CTTNBP2: variants seen among roughly 807,000 people sequenced by gnomAD.
CTTNBP2 encodes cortactin binding protein 2.
A neutral mutation model predicts 156.9 loss-of-function variants in CTTNBP2; 108 were observed. The ratio of observed to expected loss-of-function variants is 0.69; its 90% CI spans 0.59 to 0.81. CTTNBP2 has a LOEUF of 0.81. Among genes scored for constraint, CTTNBP2 ranks in the 30% least tolerant of loss-of-function variants. The probability of loss-of-function intolerance (pLI) is 0.00; values close to 1 mark genes in which losing one functional copy is unlikely to be tolerated. For synonymous variants in CTTNBP2, 767 were observed against 751.8 expected (o/e 1.02, Z -0.33); for missense variants, 1,924 against 2,035.4 (o/e 0.95, Z 1.05).
At chr7:117,862,058 C>T (rs1386943183) in intron 1 of CTTNBP2, among the ~76,000 whole-genome samples, 2 of 149,324 alleles carry the variant, frequency 1.3e-5, no homozygotes, top group African/African-American at 4.9e-5. Context: ...CCAGCACATA[C>T]ACACACACAC....
chr7:117,782,620 T>G (rs1438744323), intron 6 of CTTNBP2, among the ~76,000 whole-genome samples: 3 of 152,176 alleles, frequency 2.0e-5, no homozygotes, highest in African/African-American at 7.2e-5. Flanking sequence ...CCAAAGAAAG[T>G]TCATTCACGT....
At position 117,711,418 on chromosome 7, in the gene CTTNBP2, G is replaced by A. The variant is rs761184158; in HGVS notation, c.*119C>T. The stretch of plus-strand genomic sequence containing the variant: ...CAAAAAAAAATTGAATAGTGGTCCC[G>A]CACTCATAATTTATATTACAGTGAA... On this transcript the variant is annotated 3_prime_UTR_variant, in exon 23 of 23. Coordinates refer to ENST00000160373, the MANE Select transcript of CTTNBP2 (RefSeq NM_033427.3). The A allele has an allele frequency of 4.3e-4, 488 of 1,142,310 alleles. 3 individuals carry two copies. Among genetic ancestry groups the A allele is most frequent in the Admixed American group, 1.2e-3 (47 of 40,464 alleles). The allele number at this position is 1,142,310 out of a possible 1,614,324, so 70.8% of individuals were successfully genotyped here. A position where few individuals can be genotyped will look rare whatever the true frequency, so the allele number is the denominator to read the frequency against.
At chr7:117,725,426 AG>A (rs758114767) in intron 17 of CTTNBP2, among the ~76,000 whole-genome samples, 169 bp from the exon 18 acceptor site, 35 of 152,336 alleles carry the variant, frequency 2.3e-4, no homozygotes, top group Non-Finnish European at 3.7e-4. Flanking sequence ...CCAATACAAA[AG>A]TGTTTGAATC....
At chr7:117,749,247 T>C (rs144814933) in intron 12 of CTTNBP2, among the ~76,000 whole-genome samples, 14 of 152,330 alleles carry the variant, frequency 9.2e-5, no homozygotes, top group Admixed American at 3.9e-4. Context: ...AGGAAGAATT[T>C]TGCAGGAAAC....
At chr7:117,754,558 G>C (rs1796788414) in intron 12 of CTTNBP2, among the ~76,000 whole-genome samples, 1 of 152,180 alleles carries the variant, frequency 6.6e-6, no homozygotes, top group Admixed American at 6.5e-5. Flanking sequence ...ACATAACACA[G>C]GGCCTATGCT....
intron 2 of CTTNBP2, among the ~76,000 whole-genome samples, chr7:117,846,025 G>T (rs1345552517): frequency 7.0e-6 from 1 of 143,394 alleles, no homozygotes; most frequent in East Asian, 2.1e-4. Flanking sequence ...TAATTTTTTT[G>T]TATTTTTAGT....
At chr7:117,719,393 G>T (rs561308163) in intron 21 of CTTNBP2, 111 bp downstream of exon 21, 3 of 1,003,006 alleles carry the variant, frequency 3.0e-6, no homozygotes, top group African/African-American at 1.6e-5. Context: ...GTTTGATTTG[G>T]ATCATTAACC....
At chr7:117,834,937 G>T (rs1801834652) in intron 2 of CTTNBP2, among the ~76,000 whole-genome samples, 1 of 152,202 alleles carries the variant, frequency 6.6e-6, no homozygotes, top group Admixed American at 6.5e-5. Flanking sequence ...CAGGAAAATT[G>T]CTTCAGGTTT....
intron 2 of CTTNBP2, among the ~76,000 whole-genome samples, chr7:117,813,102 C>T (rs1224096099): frequency 6.6e-6 from 1 of 152,092 alleles, no homozygotes; most frequent in Non-Finnish European, 1.5e-5. Flanking sequence ...GCAGGAATGT[C>T]GTACCGGACT....
chr7:117,872,752 T>C (rs1216041271), intron 1 of CTTNBP2, among the ~76,000 whole-genome samples: 7 of 152,132 alleles, frequency 4.6e-5, no homozygotes, highest in Non-Finnish European at 1.0e-4. Flanking sequence ...CCTAAAGCGC[T>C]GGCCTCAGCG....
chr7:117,768,435 G>T (rs1427136901), intron 8 of CTTNBP2, among the ~76,000 whole-genome samples: 1 of 151,400 alleles, frequency 6.6e-6, no homozygotes, highest in African/African-American at 2.4e-5. Flanking sequence ...ACATTGTGGT[G>T]GGCGCCTGTA....
intron 2 of CTTNBP2, among the ~76,000 whole-genome samples, chr7:117,837,196 T>C (rs1802009363): frequency 6.6e-6 from 1 of 152,150 alleles, no homozygotes; most frequent in African/African-American, 2.4e-5. Flanking sequence ...AGCCAATATA[T>C]CTCTTAGGAG....
chr7:117,782,569 T>C (rs1282069809), intron 6 of CTTNBP2, among the ~76,000 whole-genome samples: 1 of 152,216 alleles, frequency 6.6e-6, no homozygotes, highest in Non-Finnish European at 1.5e-5. Flanking sequence ...CAACAGTCCT[T>C]CATCTCATGA....
intron 21 of CTTNBP2, 44 bp from the exon 22 acceptor site, chr7:117,718,163 CTG>C (rs1465505346): frequency 2.5e-6 from 3 of 1,188,492 alleles, no homozygotes; most frequent in Non-Finnish European, 3.8e-6. Context: ...CACAGTCACA[CTG>C]TGCATACTCA....
At chr7:117,745,081 T>C (rs1273281749) in intron 14 of CTTNBP2, among the ~76,000 whole-genome samples, 1 of 152,238 alleles carries the variant, frequency 6.6e-6, no homozygotes, top group African/African-American at 2.4e-5. Flanking sequence ...TATGCTATTC[T>C]ACAGTATGCA....
intron 20 of CTTNBP2, among the ~76,000 whole-genome samples, chr7:117,720,521 C>T (rs1476903492): frequency 2.6e-5 from 4 of 152,162 alleles, no homozygotes; most frequent in African/African-American, 7.2e-5. Flanking sequence ...TGGTGAAACG[C>T]CGTCTCTACT....
chr7:117,870,717 T>C (rs368211715), intron 1 of CTTNBP2, among the ~76,000 whole-genome samples: 1 of 152,288 alleles, frequency 6.6e-6, no homozygotes, highest in African/African-American at 2.4e-5. Context: ...ATTTTCAGAG[T>C]GGAAACAGCA....
chr7:117,718,207 A>G, intron 21 of CTTNBP2, 88 bp from the exon 22 acceptor site: 1 of 787,678 alleles, frequency 1.3e-6, no homozygotes. Context: ...AAATCACAGC[A>G]GAAGTGTTAC....
chr7:117,778,386 A>G (rs1798221084), intron 7 of CTTNBP2, among the ~76,000 whole-genome samples: 1 of 152,214 alleles, frequency 6.6e-6, no homozygotes, highest in Non-Finnish European at 1.5e-5. Flanking sequence ...AAAATGTTTC[A>G]ACTAAAATTA....
Sources: allele counts gnomAD v4.1 joint callset (sites outside exome capture counted in the v4.1 genomes callset), GRCh38; gene constraint gnomAD v4.1.1; transcripts MANE v1.5; gene names NCBI Gene and HGNC (gene_info 2026-07-23, HGNC 2026-07-21).